Variants in DCTN6 observed in about 807,000 individuals in gnomAD.
DCTN6 encodes the protein dynactin subunit 6, also known as dynactin 6.
A neutral mutation model predicts 25.8 loss-of-function variants in DCTN6; 15 were observed. The observed-to-expected ratio is 0.58, with a 90% confidence interval of 0.39 to 0.89. DCTN6 has a LOEUF of 0.89. DCTN6 is among the 40% of genes least tolerant of loss of function. The probability of loss-of-function intolerance (pLI) is 0.00; values close to 1 mark genes in which losing one functional copy is unlikely to be tolerated. For missense variants in DCTN6, 198 were observed against 237.6 expected (o/e 0.83, Z 1.09); for synonymous variants, 64 against 78.3 (o/e 0.82, Z 0.96).
intron 2 of DCTN6, among the ~76,000 whole-genome samples, chr8:30,168,397 T>G (rs1243000036): frequency 2.0e-5 from 3 of 152,220 alleles, no homozygotes; most frequent in Non-Finnish European, 4.4e-5. Context: ...AAAAAGCTCC[T>G]GGGAGATACA....
At chr8:30,177,977 A>G (rs1436341715) in intron 4 of DCTN6, among the ~76,000 whole-genome samples, 1 of 152,174 alleles carries the variant, frequency 6.6e-6, no homozygotes, top group East Asian at 1.9e-4. Flanking sequence ...TAGAAGCAGC[A>G]ATGCTGGCTT....
Position 30,179,443 on chromosome 8 carries a change from A to T in DCTN6, c.319A>T (p.Ile107Phe). Reference protein sequence around the residue: ...QAMKMGDNNVIESKAYVGRNV... With the variant: ...QAMKMGDNNVFESKAYVGRNV... ...CATGAAGATGGGAGATAATAATGTCATTGAATCAAAAGGTAAGCTACATTC... is the reference window on the plus strand; with the variant it reads ...CATGAAGATGGGAGATAATAATGTCTTTGAATCAAAAGGTAAGCTACATTC... The change falls in exon 5 of 7, where the codon ATT becomes TTT. Residue 107 changes from isoleucine to phenylalanine, a missense_variant. By Grantham distance (21) the Ile-to-Phe change is conservative. Transcript: ENST00000221114. The T allele has an allele frequency of 6.2e-7, 1 of 1,612,478 alleles. No individual in the cohort carries two copies. The highest frequency in any genetic ancestry group is 8.5e-7 in the Non-Finnish European group (1 of 1,179,274).
Position 30,169,841 on chromosome 8 carries a change from T to C in DCTN6, c.89-5244T>C, listed in dbSNP as rs148632163. Among the ~76,000 whole-genome samples, 215 of 152,278 alleles carry C rather than the reference T, an allele frequency of 1.4e-3. 2 individuals carry two copies. Among genetic ancestry groups the C allele is most frequent in the Admixed American group, 3.8e-3 (58 of 15,294 alleles). On this transcript the variant is annotated intron_variant, in intron 2 of 6. Transcript: ENST00000221114. ...AATAGACCACGCAGACAAAGCAGAA[T>C]TATCCGCATCATTCACGGAAATCAC... is the stretch of plus-strand genomic sequence containing the variant.
intron 3 of DCTN6, among the ~76,000 whole-genome samples, chr8:30,175,991 A>G (rs1018508095): frequency 6.6e-6 from 1 of 152,248 alleles, no homozygotes; most frequent in Admixed American, 6.5e-5. Context: ...GAGATAAAGC[A>G]CCATTTAAAA....
chr8:30,181,776 G>A (rs1803913511), intron 6 of DCTN6, among the ~76,000 whole-genome samples: 2 of 151,742 alleles, frequency 1.3e-5, no homozygotes. Context: ...TGTAGTCCCA[G>A]CTACTTTGGA....
Position 30,177,136 on chromosome 8 carries a change from A to G in DCTN6, c.205A>G (p.Asn69Asp), listed in dbSNP as rs759804057. ...QALIINAYPD[N>D]ITPDTEDPEP... ...TTCTTCTGTTTACAGTTACCCAGATAATATCACTCCTGACACTGAAGATCC... is the reference window on the plus strand; with the variant it reads ...TTCTTCTGTTTACAGTTACCCAGATGATATCACTCCTGACACTGAAGATCC... The change falls in exon 4 of 7, where the codon AAT becomes GAT. Residue 69 changes from asparagine to aspartate, a missense_variant. By Grantham distance (23) the Asn-to-Asp change is conservative. Coordinates refer to ENST00000221114, the MANE Select transcript of DCTN6 (RefSeq NM_006571.4). The G allele has an allele frequency of 1.7e-5, 27 of 1,612,372 alleles. No individual in the cohort carries two copies. In the South Asian group the frequency reaches 2.8e-4, roughly 16 times the overall value.
At position 30,180,821 on chromosome 8, in the gene DCTN6, C is replaced by T. The variant is rs1333604439; in HGVS notation, c.474+191C>T. ...CCGAGGCAGGAGGATGACTTGAGGG[C>T]AGGAATTTAAGAGCAGCCTGGGCAA... On this transcript the variant is annotated intron_variant, in intron 6 of 6. Coordinates refer to ENST00000221114, the MANE Select transcript of DCTN6 (RefSeq NM_006571.4). The T allele has an allele frequency of 4.5e-6, 3 of 670,162 alleles. No individual in the cohort carries two copies. The African/African-American group carries it at 5.5e-5, about 12-fold the overall frequency. 41.5% of individuals were successfully genotyped at this position (670,162 alleles called of 1,614,324 possible).
chr8:30,181,869 G>GA (rs61484281), intron 6 of DCTN6, among the ~76,000 whole-genome samples: 19,653 of 126,610 alleles, frequency 0.16, 1,816 homozygotes, highest in East Asian at 0.45. Flanking sequence ...GCCTGGGAAA[G>GA]AAAAAAAAAA....
intron 2 of DCTN6, among the ~76,000 whole-genome samples, chr8:30,164,515 C>G (rs1025481764): frequency 9.9e-5 from 15 of 152,200 alleles, no homozygotes; most frequent in African/African-American, 3.4e-4. Context: ...TGTGGAGCTT[C>G]GTGGAGAGCG....
At chr8:30,157,509 T>C (rs1803541929) in intron 1 of DCTN6, among the ~76,000 whole-genome samples, 1 of 152,244 alleles carries the variant, frequency 6.6e-6, no homozygotes, top group South Asian at 2.1e-4. Flanking sequence ...CCAATGGTAC[T>C]TGTGTTTAGT....
chr8:30,174,643 C>T (rs1053585648), intron 2 of DCTN6, among the ~76,000 whole-genome samples: 2 of 152,136 alleles, frequency 1.3e-5, no homozygotes, highest in East Asian at 1.9e-4. Flanking sequence ...GAGGTACACT[C>T]GCATAAGAAA....
At chr8:30,157,777 GCTGA>G (rs1042461220) in intron 1 of DCTN6, among the ~76,000 whole-genome samples, 10 of 152,116 alleles carry the variant, frequency 6.6e-5, no homozygotes, top group South Asian at 2.1e-4. Flanking sequence ...AGCTCCCTCT[GCTGA>G]CTATTTTTGA....
chr8:30,175,029 C>A (rs1803812144), intron 2 of DCTN6, 56 bp from the exon 3 acceptor site: 2 of 1,527,350 alleles, frequency 1.3e-6, no homozygotes, highest in African/African-American at 1.4e-5. Context: ...ACCTTCCACC[C>A]TTCTGTTGGA....
intron 2 of DCTN6, among the ~76,000 whole-genome samples, chr8:30,174,555 C>T (rs536584792): frequency 1.3e-5 from 2 of 152,170 alleles, no homozygotes; most frequent in South Asian, 2.1e-4. Flanking sequence ...AGGCTGGTCT[C>T]GATCTCCTGA....
intron 1 of DCTN6, among the ~76,000 whole-genome samples, chr8:30,163,910 A>G (rs1390510838): frequency 6.6e-6 from 1 of 151,686 alleles, no homozygotes; most frequent in East Asian, 1.9e-4. Flanking sequence ...TCATGTTGGT[A>G]AGGCTGGTGT....
rs567422029 is a variant in DCTN6 at position 30,182,603 on chromosome 8, T to TA, written c.475-461dup. ...AACTTAGTATATGTTCCTTATAAAT[T>TA]AAAAAAAAAAACAAGCATGTAAGCA... On this transcript the variant is annotated intron_variant, in intron 6 of 6. Coordinates refer to ENST00000221114, the MANE Select transcript of DCTN6 (RefSeq NM_006571.4). Among the ~76,000 whole-genome samples the TA allele has an allele frequency of 4.4e-3, 634 of 143,598 alleles. 8 individuals are homozygous for TA. Among genetic ancestry groups the TA allele is most frequent in the South Asian group, 0.032 (143 of 4,536 alleles). The allele number at this position is 143,598 out of a possible 152,430, so 94.2% of individuals were successfully genotyped here.
intron 6 of DCTN6, 109 bp from the exon 7 acceptor site, chr8:30,182,966 G>T: frequency 1.3e-6 from 1 of 791,924 alleles, no homozygotes; most frequent in Non-Finnish European, 2.1e-6. Context: ...CTCCTGTCTG[G>T]GCCTCCCAAA....
At chr8:30,181,958 T>G (rs1200281679) in intron 6 of DCTN6, among the ~76,000 whole-genome samples, 1 of 152,172 alleles carries the variant, frequency 6.6e-6, no homozygotes, top group African/African-American at 2.4e-5. Context: ...CAGTTCTTTT[T>G]GGGTTACTCT....
At chr8:30,177,032 T>C in intron 3 of DCTN6, 94 bp from the exon 4 acceptor site, 1 of 883,018 alleles carries the variant, frequency 1.1e-6, no homozygotes, top group Non-Finnish European at 1.8e-6. Flanking sequence ...TTGATGTAGG[T>C]AAAATTGAAA....
Sources: gnomAD v4.1 joint callset for allele counts (sites outside exome capture counted in the v4.1 genomes callset) on GRCh38, gnomAD v4.1.1 for gene constraint, MANE v1.5 for transcripts, NCBI Gene and HGNC (gene_info 2026-07-23, HGNC 2026-07-21) for gene names.